GTF2B: variants seen among roughly 807,000 people sequenced by gnomAD.
GTF2B encodes transcription initiation factor IIB.
In GTF2B, 20 loss-of-function variants were observed where a neutral mutation model predicts 34.6. The ratio of observed to expected loss-of-function variants is 0.58; its 90% CI spans 0.41 to 0.84. The LOEUF (loss-of-function observed/expected upper bound fraction) is 0.84. Among genes scored for constraint, GTF2B ranks in the 40% least tolerant of loss-of-function variants. GTF2B has a pLI of 0.00. For synonymous variants in GTF2B, 142 were observed against 132.4 expected (o/e 1.07, Z -0.50); for missense variants, 237 against 393.3 (o/e 0.60, Z 3.36).
At chr1:88,874,505 T>A (rs1434337751) in intron 2 of GTF2B, among the ~76,000 whole-genome samples, 8 of 143,296 alleles carry the variant, frequency 5.6e-5, no homozygotes, top group Non-Finnish European at 1.2e-4. Context: ...AAATTTTTTT[T>A]TTTTTTTTTT....
chr1:88,863,885 C>T (rs1673494310), intron 3 of GTF2B, 96 bp downstream of exon 3: 1 of 1,014,700 alleles, frequency 9.9e-7, no homozygotes, highest in African/African-American at 1.6e-5. Context: ...TCAAGATTCC[C>T]CACTGGTGCA....
At position 88,854,713 on chromosome 1, in the gene GTF2B, C is replaced by T. The variant is rs184838765; in HGVS notation, c.818-1367G>A. Among the ~76,000 whole-genome samples, 44 of 152,340 alleles carry T rather than the reference C, an allele frequency of 2.9e-4. 1 individual carries two copies. The East Asian group carries it at 4.1e-3, about 14-fold the overall frequency. ...GTTTCACCATGCTGCCCAGGCTGGT[C>T]TCAAACTCCTCACCTAAGGTGATCC... On this transcript the variant is annotated intron_variant, in intron 6 of 6. Coordinates refer to ENST00000370500, the MANE Select transcript of GTF2B (RefSeq NM_001514.6).
rs1356900141 is a variant in GTF2B, at chr1:88,857,578, T to C, written c.536-91A>G. 24 of 659,988 alleles carry C rather than the reference T, an allele frequency of 3.6e-5. No homozygotes were observed. The Admixed American group carries it at 6.4e-4, about 18-fold the overall frequency. 40.9% of individuals were successfully genotyped at this position (659,988 alleles called of 1,614,324 possible). ...TTTCTAATTATAAACATAATATACA[T>C]TCTAATTGTAAAACATTCAATCATA... is the stretch of plus-strand genomic sequence containing the variant. On this transcript the variant is annotated intron_variant, in intron 5 of 6. Coordinates refer to ENST00000370500, the MANE Select transcript of GTF2B (RefSeq NM_001514.6).
rs1446151475 is a variant in GTF2B at position 88,852,899 on chromosome 1, TATC to T, written c.*311_*313del. 22 of 257,036 alleles carry T rather than the reference TATC, an allele frequency of 8.6e-5. No individual in the cohort carries two copies. Among genetic ancestry groups the T allele is most frequent in the East Asian group, 3.0e-4 (3 of 10,068 alleles). 15.9% of individuals were successfully genotyped at this position (257,036 alleles called of 1,614,324 possible). On this transcript the variant is annotated 3_prime_UTR_variant, in exon 7 of 7. Coordinates refer to ENST00000370500, the MANE Select transcript of GTF2B (RefSeq NM_001514.6). ...ATGATTTGCATTATTTGTAATTATG[TATC>T]ATAAGTTACATGTAACATATAACAA...
rs999335419 is a variant in GTF2B at position 88,891,485 on chromosome 1, G to A, written c.15C>T (p.Ser5=). 1.2e-6 allele frequency: 2 copies of A among 1,602,374 alleles called. No homozygotes were observed. The highest frequency in any genetic ancestry group is 1.3e-5 in the African/African-American group (1 of 74,790). ...CGGGCTCGGCGGGACATACTAACCG[G>A]CTGGTAGACGCCATCTTCACGGCGA... The part of the protein sequence containing the change: MAST[S]RLDALPRVTC... The change falls in exon 1 of 7, where the codon AGC becomes AGT. Residue 5 remains serine, a splice_region_variant and synonymous_variant. Transcript: ENST00000370500.
intron 2 of GTF2B, among the ~76,000 whole-genome samples, chr1:88,879,859 C>A (rs1673896083): frequency 6.6e-6 from 1 of 151,888 alleles, no homozygotes; most frequent in African/African-American, 2.4e-5. Context: ...AGTTTGAGAC[C>A]AGCCTGGGCA....
chr1:88,872,444 C>T (rs1673715669), intron 2 of GTF2B, among the ~76,000 whole-genome samples: 1 of 103,708 alleles, frequency 9.6e-6, no homozygotes, highest in Non-Finnish European at 1.8e-5. Context: ...AAGAGTGAAA[C>T]TCCATCTCAA....
intron 2 of GTF2B, among the ~76,000 whole-genome samples, chr1:88,886,812 A>AT (rs147954838): frequency 0.084 from 9,655 of 114,272 alleles, 650 homozygotes; most frequent in African/African-American, 0.17. Context: ...CTGTTTCCTA[A>AT]TTGTTTTTTT....
intron 6 of GTF2B, among the ~76,000 whole-genome samples, chr1:88,856,274 A>AAAAAC (rs1673304404): frequency 8.2e-6 from 1 of 121,960 alleles, no homozygotes; most frequent in Admixed American, 8.2e-5. Context: ...TTCAAAAACA[A>AAAAAC]AAAAAAAAAA....
rs1673435849 is a variant in GTF2B at position 88,861,319 on chromosome 1, CCT to C, written c.259-1035_259-1034del. Among the ~76,000 whole-genome samples the C allele has an allele frequency of 8.5e-5, 13 of 152,234 alleles. No individual in the cohort carries two copies. The South Asian group carries it at 2.7e-3, about 32-fold the overall frequency. On this transcript the variant is annotated intron_variant, in intron 3 of 6. Coordinates refer to ENST00000370500, the MANE Select transcript of GTF2B (RefSeq NM_001514.6). The stretch of plus-strand genomic sequence containing the variant: ...ATTTATTATGAAGAAGCCAATTTTC[CCT>C]GTGTCAATTTGCAAATGAATCTGAC...
intron 3 of GTF2B, 56 bp from the exon 4 acceptor site, chr1:88,860,342 C>A (rs1217139829): frequency 4.0e-6 from 5 of 1,252,082 alleles, no homozygotes; most frequent in Non-Finnish European, 5.8e-6. Flanking sequence ...GAAAAATGGA[C>A]AATTTCTATG....
chr1:88,859,278 A>T lies in GTF2B; in HGVS notation c.535+604T>A, dbSNP rs956098426. The stretch of plus-strand genomic sequence containing the variant: ...AAACGGCCTACTTTGGTTTACGATT[A>T]TAGGCCTTCTGAAAGCCCACAAAGC... On this transcript the variant is annotated intron_variant, in intron 5 of 6. Coordinates refer to ENST00000370500, the MANE Select transcript of GTF2B (RefSeq NM_001514.6). Among the ~76,000 whole-genome samples, 3 of 152,328 alleles carry T rather than the reference A, an allele frequency of 2.0e-5. No homozygotes were observed. The South Asian group carries it at 6.2e-4, about 32-fold the overall frequency.
In GTF2B at chr1:88,860,180, G is replaced by C. The variant is rs1673402552; in HGVS notation, c.365C>G (p.Thr122Ser). ...TAGATTGATTCTGTCTGCCATGGTAGTGATTTCTTTGAATGCATTCATCAT... is the reference window on the plus strand; with the variant it reads ...TAGATTGATTCTGTCTGCCATGGTACTGATTTCTTTGAATGCATTCATCAT... ...RAMMNAFKEI[T>S]TMADRINLPR... The change falls in exon 4 of 7, where the codon ACT becomes AGT. Residue 122 changes from threonine (T) to serine (S), a missense_variant. Physicochemically the swap from Thr to Ser is moderately conservative, Grantham distance 58. Transcript: ENST00000370500. 1 of 1,613,868 alleles carries C rather than the reference G, an allele frequency of 6.2e-7. No homozygotes were observed. Among genetic ancestry groups the C allele is most frequent in the Non-Finnish European group, 8.5e-7 (1 of 1,179,864 alleles).
At chr1:88,864,208 G>T in intron 2 of GTF2B, 94 bp from the exon 3 acceptor site, 1 of 1,152,092 alleles carries the variant, frequency 8.7e-7, no homozygotes, top group Non-Finnish European at 1.3e-6. Flanking sequence ...TTATTCCCAG[G>T]AAATCTCAAC....
chr1:88,878,710 TC>T (rs1365587800), intron 2 of GTF2B, among the ~76,000 whole-genome samples: 3 of 152,200 alleles, frequency 2.0e-5, no homozygotes, highest in African/African-American at 7.2e-5. Flanking sequence ...ACTGAAGTGA[TC>T]CTGTGCCAGT....
intron 2 of GTF2B, among the ~76,000 whole-genome samples, chr1:88,869,844 C>T (rs990825650): frequency 6.6e-6 from 1 of 151,852 alleles, no homozygotes; most frequent in Non-Finnish European, 1.5e-5. Flanking sequence ...AGGCTCATGT[C>T]GAATTCCCGA....
rs575031632 is a variant in GTF2B, at chr1:88,878,475, G to GT, written c.124+8785dup. Among the ~76,000 whole-genome samples, 6 of 152,306 alleles carry GT rather than the reference G, an allele frequency of 3.9e-5. No individual in the cohort carries two copies. In the South Asian group the frequency reaches 1.2e-3, roughly 32 times the overall value. ...CTATAGCTACAAAAATTGGAAACAAGTTTTAAGAGACACTAAATAATACAT... is the reference window on the plus strand; with the variant it reads ...CTATAGCTACAAAAATTGGAAACAAGTTTTTAAGAGACACTAAATAATACAT... On this transcript the variant is annotated intron_variant, in intron 2 of 6. Coordinates refer to ENST00000370500, the MANE Select transcript of GTF2B (RefSeq NM_001514.6).
In GTF2B at chr1:88,857,518, C is replaced by A. The variant is rs80092776; in HGVS notation, c.536-31G>T. On this transcript the variant is annotated intron_variant, in intron 5 of 6. Coordinates refer to ENST00000370500, the MANE Select transcript of GTF2B (RefSeq NM_001514.6). ...AGAAAAAAAATTAAATAAATCAATT[C>A]ACTTAAGCCATATAGTTCATCTTAA... 1.5e-3 allele frequency: 1,750 copies of A among 1,167,514 alleles called. 18 individuals are homozygous for A. The African/African-American group carries it at 0.024, about 16-fold the overall frequency. 72.3% of individuals were successfully genotyped at this position (1,167,514 alleles called of 1,614,324 possible). A position where few individuals can be genotyped will look rare whatever the true frequency, so the allele number is the denominator to read the frequency against.
At chr1:88,875,661 G>C (rs182818151) in intron 2 of GTF2B, among the ~76,000 whole-genome samples, 10 of 152,128 alleles carry the variant, frequency 6.6e-5, no homozygotes, top group Admixed American at 6.5e-4. Flanking sequence ...TGCTTCACTC[G>C]AAATTCAACA....
Sources: gnomAD v4.1 joint callset for allele counts (sites outside exome capture counted in the v4.1 genomes callset) on GRCh38, gnomAD v4.1.1 for gene constraint, MANE v1.5 for transcripts, NCBI Gene and HGNC (gene_info 2026-07-23, HGNC 2026-07-21) for gene names.